CNIH3: variants seen among roughly 807,000 people sequenced by gnomAD.
The protein encoded by CNIH3 is protein cornichon homolog 3.
Under a neutral mutation model 24.1 loss-of-function variants are expected in CNIH3, and 14 were observed. The observed-to-expected ratio is 0.58, with a 90% CI of 0.38 to 0.91. CNIH3 has a LOEUF of 0.91. Ranked by LOEUF, CNIH3 falls within the 40% of genes least tolerant of loss-of-function variation. CNIH3 has a pLI of 0.00. For missense variants in CNIH3, 178 were observed against 196.8 expected (o/e 0.90, Z 0.57); for synonymous variants, 68 against 73.8 (o/e 0.92, Z 0.40).
chr1:224,535,339 C>G (rs1211640420), intron 2 of CNIH3, among the ~76,000 whole-genome samples: 2 of 152,104 alleles, frequency 1.3e-5, no homozygotes, highest in African/African-American at 4.8e-5. Flanking sequence ...GAAGGCTCCT[C>G]CCCTGCAGGT....
At chr1:224,736,652 C>T (rs1689605367) in intron 5 of CNIH3, among the ~76,000 whole-genome samples, 1 of 152,214 alleles carries the variant, frequency 6.6e-6, no homozygotes, top group Non-Finnish European at 1.5e-5. Flanking sequence ...CCTTCCCTCC[C>T]CTTTACATCC....
At chr1:224,533,365 T>C (rs1312076637) in intron 2 of CNIH3, among the ~76,000 whole-genome samples, 5 of 144,410 alleles carry the variant, frequency 3.5e-5, no homozygotes, top group Non-Finnish European at 7.5e-5. Context: ...TACAATGAGC[T>C]CTGAAGAGTG....
chr1:224,707,955 A>G (rs1181140598), intron 3 of CNIH3, among the ~76,000 whole-genome samples: 2 of 151,934 alleles, frequency 1.3e-5, no homozygotes, highest in South Asian at 4.2e-4. Context: ...CTCTCTGTCC[A>G]CTAGAATTCC....
chr1:224,699,983 CT>C (rs1687394258), intron 3 of CNIH3, among the ~76,000 whole-genome samples: 1 of 152,150 alleles, frequency 6.6e-6, no homozygotes, highest in Admixed American at 6.5e-5. Context: ...CTGCGGTTAT[CT>C]TGTCTGGCCC....
rs28435924 is a variant in CNIH3 at position 224,669,249 on chromosome 1, T to C, written c.82-11709T>C. 8.1e-3 allele frequency among the ~76,000 whole-genome samples: 1,233 copies of C among 152,222 alleles called. 13 individuals carry two copies. The highest frequency in any genetic ancestry group is 0.028 in the African/African-American group (1,167 of 41,524). On this transcript the variant is annotated intron_variant, in intron 1 of 5. Transcript: ENST00000272133. ...GTGTCTTTGTTTCCTGTTAACTAGATGGGAACCAGGGAAGCTATGTCAGAA... is the reference window on the plus strand; with the variant it reads ...GTGTCTTTGTTTCCTGTTAACTAGACGGGAACCAGGGAAGCTATGTCAGAA...
intron 1 of CNIH3, among the ~76,000 whole-genome samples, chr1:224,665,659 T>C (rs1463755393): frequency 2.0e-5 from 3 of 152,206 alleles, no homozygotes; most frequent in Non-Finnish European, 4.4e-5. Context: ...CATCTACTTA[T>C]ATGTGGTAGG....
At chr1:224,463,979 C>T (rs908770238) in intron 1 of CNIH3, among the ~76,000 whole-genome samples, 9 of 149,232 alleles carry the variant, frequency 6.0e-5, no homozygotes, top group Non-Finnish European at 1.2e-4. Flanking sequence ...TTAGTAGAGA[C>T]GGGGTTTCAC....
At chr1:224,720,820 A>G (rs1303400423) in intron 3 of CNIH3, among the ~76,000 whole-genome samples, 1 of 152,170 alleles carries the variant, frequency 6.6e-6, no homozygotes, top group Non-Finnish European at 1.5e-5. Flanking sequence ...TCCCTGGAAG[A>G]TGTATAAGAG....
intron 1 of CNIH3, among the ~76,000 whole-genome samples, chr1:224,519,486 A>C (rs1462694320): frequency 6.6e-6 from 1 of 152,080 alleles, no homozygotes; most frequent in Non-Finnish European, 1.5e-5. Context: ...GGGAGTTCTC[A>C]AAATTTCTCT....
At chr1:224,665,352 T>C (rs1250873149) in intron 1 of CNIH3, among the ~76,000 whole-genome samples, 4 of 152,240 alleles carry the variant, frequency 2.6e-5, no homozygotes, top group African/African-American at 9.6e-5. Flanking sequence ...CTGGGTGAGT[T>C]ACTGTGATCA....
chr1:224,637,649 A>G (rs1316554381), intron 1 of CNIH3, among the ~76,000 whole-genome samples: 1 of 152,222 alleles, frequency 6.6e-6, no homozygotes, highest in African/African-American at 2.4e-5. Flanking sequence ...ACAGTCTCAC[A>G]GGAACGGATC....
At chr1:224,724,602 G>T (rs892976) in intron 3 of CNIH3, among the ~76,000 whole-genome samples, 151,652 of 152,320 alleles carry the variant, frequency 1, 75,498 homozygotes, top group Non-Finnish European at 1. Context: ...AAAAGATATA[G>T]TATCTTTTTC....
Position 224,575,480 on chromosome 1 carries a change from C to G in CNIH3, n.517-7684C>G. 5 of 601,332 alleles carry G rather than the reference C, an allele frequency of 8.3e-6. No homozygotes were observed. In the South Asian group the frequency reaches 9.5e-5, roughly 11 times the overall value. The allele number at this position is 601,332 out of a possible 1,614,324, so 37.2% of individuals were successfully genotyped here. ...CTTGCAAAGGTAGTATGGCCTGTGT[C>G]ACTCAGCAGTGGGAGAGCAACCTAT... On this transcript the variant is annotated intron_variant and non_coding_transcript_variant, in intron 4 of 5. Transcript: ENST00000471578.
intron 3 of CNIH3, among the ~76,000 whole-genome samples, chr1:224,716,960 T>C (rs1688462870): frequency 6.6e-6 from 1 of 152,184 alleles, no homozygotes; most frequent in Non-Finnish European, 1.5e-5. Flanking sequence ...AGTGGGGACA[T>C]CAGGAGCTGC....
chr1:224,618,225 G>GC (rs1398476696), intron 1 of CNIH3, among the ~76,000 whole-genome samples: 4 of 152,240 alleles, frequency 2.6e-5, no homozygotes, highest in Non-Finnish European at 5.9e-5. Flanking sequence ...GGTTGTTTAA[G>GC]CCCCCTATCC....
chr1:224,676,976 C>T (rs751328058), intron 1 of CNIH3, among the ~76,000 whole-genome samples: 9 of 152,182 alleles, frequency 5.9e-5, no homozygotes, highest in Non-Finnish European at 1.3e-4. Context: ...ATTTACTTTT[C>T]TCTGTATGTA....
At chr1:224,446,596 A>G (rs1675175283) in intron 1 of CNIH3, among the ~76,000 whole-genome samples, 2 of 152,210 alleles carry the variant, frequency 1.3e-5, no homozygotes, top group Admixed American at 1.3e-4. Flanking sequence ...GGACTTCATC[A>G]TCAAAGATGA....
chr1:224,506,604 G>A (rs1004170644), intron 1 of CNIH3, among the ~76,000 whole-genome samples: 12 of 152,316 alleles, frequency 7.9e-5, no homozygotes, highest in African/African-American at 2.9e-4. Flanking sequence ...CTTCCCTGAA[G>A]TTAAACCTGA....
At chr1:224,627,557 C>A (rs1572614890) in intron 1 of CNIH3, among the ~76,000 whole-genome samples, 2 of 152,174 alleles carry the variant, frequency 1.3e-5, no homozygotes, top group Admixed American at 1.3e-4. Flanking sequence ...AAAGAGGGAG[C>A]CTGTGACTTT....
Sources: allele counts gnomAD v4.1 joint callset (sites outside exome capture counted in the v4.1 genomes callset), GRCh38; gene constraint gnomAD v4.1.1; transcripts MANE v1.5; gene names NCBI Gene and HGNC (gene_info 2026-07-23, HGNC 2026-07-21).